SNTG2: variants seen among roughly 807,000 people sequenced by gnomAD.
The protein encoded by SNTG2 is syntrophin gamma 2.
SNTG2 carries 74 observed loss-of-function variants against 70.9 expected under a neutral mutation model. The observed-to-expected ratio is 1.04, with a 90% CI of 0.86 to 1.27. The LOEUF is 1.27. Ranked by LOEUF, SNTG2 falls within the 50% of genes most tolerant of loss-of-function variation. The pLI, the probability that SNTG2 is intolerant of heterozygous loss-of-function variation, is 0.00. For synonymous variants in SNTG2, 278 were observed against 273.8 expected, an observed-to-expected ratio of 1.02 and a Z score of -0.15; for missense variants, 717 against 690.7, an observed-to-expected ratio of 1.04 and a Z score of -0.43.
intron 1 of SNTG2, among the ~76,000 whole-genome samples, chr2:1,079,568 C>T (rs964213181): frequency 6.6e-5 from 10 of 152,148 alleles, no homozygotes; most frequent in Non-Finnish European, 1.3e-4. Flanking sequence ...TTTGTTGAAT[C>T]TTATTTGCTT....
chr2:1,064,881 T>C lies in SNTG2; in HGVS notation c.73-18637T>C, dbSNP rs190853915. The stretch of plus-strand genomic sequence containing the variant: ...ACTTCAGTTAAAAAGTGGGGATCAA[T>C]GACAAGACCCAACTTTATGCTGTTT... On this transcript the variant is annotated intron_variant, in intron 1 of 16. Transcript: ENST00000308624. 1.4e-4 allele frequency among the ~76,000 whole-genome samples: 21 copies of C among 152,300 alleles called. No individual in the cohort carries two copies. The East Asian group carries it at 2.9e-3, about 21-fold the overall frequency.
At chr2:1,037,242 G>T (rs1258865109) in intron 1 of SNTG2, among the ~76,000 whole-genome samples, 1 of 152,182 alleles carries the variant, frequency 6.6e-6, no homozygotes, top group African/African-American at 2.4e-5. Flanking sequence ...ACCATGTCTG[G>T]GTCCTTTGGG....
intron 1 of SNTG2, among the ~76,000 whole-genome samples, chr2:1,042,825 G>A (rs1315420487): frequency 6.6e-6 from 1 of 152,184 alleles, no homozygotes; most frequent in Non-Finnish European, 1.5e-5. Flanking sequence ...GTGCTGGGAT[G>A]AGGATAGACA....
chr2:1,149,939 C>T (rs1028002321), intron 6 of SNTG2, among the ~76,000 whole-genome samples: 42 of 152,090 alleles, frequency 2.8e-4, no homozygotes, highest in African/African-American at 8.9e-4. Flanking sequence ...CCACCCGCCT[C>T]GGCCTCCCAA....
At chr2:1,265,499 A>G (rs1209076563) in intron 13 of SNTG2, among the ~76,000 whole-genome samples, 1 of 152,176 alleles carries the variant, frequency 6.6e-6, no homozygotes, top group Non-Finnish European at 1.5e-5. Flanking sequence ...TAAATGTGCA[A>G]TGCTCTCCAT....
At chr2:1,360,603 A>G (rs2148318316) in intron 16 of SNTG2, among the ~76,000 whole-genome samples, 1 of 152,112 alleles carries the variant, frequency 6.6e-6, no homozygotes, top group East Asian at 1.9e-4. Flanking sequence ...TGACTAAAAG[A>G]GGCTACTCTA....
intron 6 of SNTG2, among the ~76,000 whole-genome samples, chr2:1,162,344 G>A (rs894087387): frequency 6.6e-6 from 1 of 152,100 alleles, no homozygotes; most frequent in African/African-American, 2.4e-5. Context: ...AGGCACACTG[G>A]CTGGGCGACA....
intron 15 of SNTG2, among the ~76,000 whole-genome samples, chr2:1,309,778 A>G (rs1438523087): frequency 1.3e-5 from 2 of 152,260 alleles, no homozygotes; most frequent in Non-Finnish European, 2.9e-5. Flanking sequence ...GCATTGAATA[A>G]GAAGAAGGGA....
intron 9 of SNTG2, chr2:1,220,010 T>A (rs961438172): frequency 2.0e-5 from 3 of 152,334 alleles, no homozygotes; most frequent in African/African-American, 7.2e-5. Context: ...CTAAATACTC[T>A]AATTTGTTTT....
intron 12 of SNTG2, chr2:1,256,363 C>T (rs1024822844): frequency 6.6e-6 from 1 of 152,166 alleles, no homozygotes; most frequent in African/African-American, 2.4e-5. Flanking sequence ...GCTTTCCTAA[C>T]ATTAAGCTCA....
chr2:1,122,213 T>A lies in SNTG2; in HGVS notation c.326-15409T>A, dbSNP rs182252586. Among the ~76,000 whole-genome samples the A allele has an allele frequency of 3.8e-3, 581 of 152,294 alleles. 4 individuals carry two copies. The highest frequency in any genetic ancestry group is 5.4e-3 in the Non-Finnish European group (368 of 68,018). On this transcript the variant is annotated intron_variant, in intron 4 of 16. Transcript: ENST00000308624. Reference sequence around the variant, plus strand: ...ATAATATGAATACTTCTCAAACTCTTTCAACAAATAAATCTAGAGGGAATA... The same window carrying A: ...ATAATATGAATACTTCTCAAACTCTATCAACAAATAAATCTAGAGGGAATA...
At chr2:1,241,370 C>A (rs975811733) in intron 11 of SNTG2, among the ~76,000 whole-genome samples, 2 of 152,150 alleles carry the variant, frequency 1.3e-5, no homozygotes, top group African/African-American at 4.8e-5. Flanking sequence ...ATGGACTTGG[C>A]CTTTACGTGT....
At chr2:1,339,705 A>G (rs1659988246) in intron 16 of SNTG2, among the ~76,000 whole-genome samples, 1 of 152,200 alleles carries the variant, frequency 6.6e-6, no homozygotes, top group Non-Finnish European at 1.5e-5. Flanking sequence ...TCAAGAGGAA[A>G]ATGTAAACCC....
chr2:1,022,497 G>A (rs1057011131), intron 1 of SNTG2, among the ~76,000 whole-genome samples: 3 of 151,510 alleles, frequency 2.0e-5, no homozygotes, highest in African/African-American at 4.9e-5. Context: ...GAGTCCCTGA[G>A]TTCCCGAGTC....
chr2:1,328,139 A>T (rs1338554801), intron 16 of SNTG2, among the ~76,000 whole-genome samples: 4 of 152,030 alleles, frequency 2.6e-5, no homozygotes, highest in Admixed American at 6.6e-5. Flanking sequence ...CACTAGGGGG[A>T]TGGTGCTGAA....
chr2:1,307,792 G>A (rs1171701687), intron 14 of SNTG2, among the ~76,000 whole-genome samples: 1 of 152,184 alleles, frequency 6.6e-6, no homozygotes. Context: ...AGGTGTTCAC[G>A]GGCTCCGCAG....
At chr2:1,361,408 A>T (rs1360248075) in intron 16 of SNTG2, among the ~76,000 whole-genome samples, 1 of 152,216 alleles carries the variant, frequency 6.6e-6, no homozygotes, top group Admixed American at 6.5e-5. Flanking sequence ...GGAGACAGAC[A>T]GTGCAATTAA....
At chr2:1,243,869 T>C (rs911565993) in intron 11 of SNTG2, among the ~76,000 whole-genome samples, 1 of 152,170 alleles carries the variant, frequency 6.6e-6, no homozygotes, top group Admixed American at 6.5e-5. Flanking sequence ...CTACTAAAAA[T>C]ACAAAAATTA....
intron 16 of SNTG2, among the ~76,000 whole-genome samples, chr2:1,357,471 T>A (rs1660913540): frequency 6.6e-6 from 1 of 152,192 alleles, no homozygotes; most frequent in African/African-American, 2.4e-5. Context: ...CATGTGCTAT[T>A]GAATTCAGTT....
Sources: allele counts gnomAD v4.1 joint callset (sites outside exome capture counted in the v4.1 genomes callset), GRCh38; gene constraint gnomAD v4.1.1; transcripts MANE v1.5; gene names NCBI Gene and HGNC (gene_info 2026-07-23, HGNC 2026-07-21).